The following UNC5D variants were observed in gnomAD, a reference collection of about 807,000 sequenced individuals.
The protein encoded by UNC5D is netrin receptor UNC5D.
A neutral mutation model predicts 105.4 loss-of-function variants in UNC5D; 39 were observed. That is an observed-to-expected ratio of 0.37 (90% confidence interval 0.29 to 0.48). The LOEUF is 0.48. Ranked by LOEUF, UNC5D falls within the 20% of genes least tolerant of loss-of-function variation. UNC5D has a pLI of 0.98. For synonymous variants in UNC5D, 452 were observed against 450.4 expected, an observed-to-expected ratio of 1.00 and a Z score of -0.04; for missense variants, 991 against 1,202.4, an observed-to-expected ratio of 0.82 and a Z score of 2.60.
intron 13 of UNC5D, among the ~76,000 whole-genome samples, chr8:35,752,670 T>C (rs1190603582): frequency 3.3e-5 from 5 of 152,134 alleles, no homozygotes; most frequent in South Asian, 2.1e-4. Context: ...AGAGGATTGC[T>C]CCAAGAGAAA....
At chr8:35,726,098 A>C (rs1055821045) in intron 9 of UNC5D, 54 bp from the exon 10 acceptor site, 11 of 1,559,996 alleles carry the variant, frequency 7.1e-6, no homozygotes, top group Non-Finnish European at 9.5e-6. Flanking sequence ...GAAGTACAGG[A>C]GTAACTGAGA....
intron 1 of UNC5D, among the ~76,000 whole-genome samples, chr8:35,300,537 C>G (rs1393983007): frequency 7.8e-6 from 1 of 128,186 alleles, no homozygotes; most frequent in East Asian, 2.2e-4. Context: ...TAAAATTAAC[C>G]AAGAAACCAA....
chr8:35,428,200 CAA>C (rs1806371864), intron 1 of UNC5D, among the ~76,000 whole-genome samples: 1 of 151,994 alleles, frequency 6.6e-6, no homozygotes, highest in Non-Finnish European at 1.5e-5. Flanking sequence ...CTTTTTGAGA[CAA>C]AGTCTCACTC....
chr8:35,567,598 T>G (rs1483913860), intron 2 of UNC5D, among the ~76,000 whole-genome samples: 2 of 152,208 alleles, frequency 1.3e-5, no homozygotes, highest in Non-Finnish European at 2.9e-5. Flanking sequence ...CCTTCGTCCT[T>G]CCTCAGATTT....
intron 1 of UNC5D, among the ~76,000 whole-genome samples, chr8:35,465,626 T>C (rs1357064743): frequency 6.6e-6 from 1 of 152,206 alleles, no homozygotes; most frequent in Non-Finnish European, 1.5e-5. Flanking sequence ...AATCTACTCA[T>C]CATTCTCTTA....
At chr8:35,579,678 G>A (rs1022571752) in intron 3 of UNC5D, among the ~76,000 whole-genome samples, 1 of 152,204 alleles carries the variant, frequency 6.6e-6, no homozygotes, top group Non-Finnish European at 1.5e-5. Flanking sequence ...TGTAGTGAAT[G>A]AATCTCAAGA....
intron 1 of UNC5D, among the ~76,000 whole-genome samples, chr8:35,499,263 C>G (rs1041438568): frequency 2.6e-5 from 4 of 152,186 alleles, no homozygotes; most frequent in African/African-American, 9.7e-5. Flanking sequence ...CATTTTAGAC[C>G]TAAGAGCTGG....
At chr8:35,275,396 C>T (rs1805707738) in intron 1 of UNC5D, among the ~76,000 whole-genome samples, 1 of 151,900 alleles carries the variant, frequency 6.6e-6, no homozygotes, top group African/African-American at 2.4e-5. Flanking sequence ...AAAAAAAATT[C>T]CATAAATATA....
chr8:35,568,979 A>G (rs754706888), intron 3 of UNC5D, among the ~76,000 whole-genome samples: 1 of 151,862 alleles, frequency 6.6e-6, no homozygotes, highest in Non-Finnish European at 1.5e-5. Flanking sequence ...CCTACTGTTC[A>G]ATCTCTTCTC....
chr8:35,429,342 GT>G (rs200482128), intron 1 of UNC5D, among the ~76,000 whole-genome samples: 14 of 150,490 alleles, frequency 9.3e-5, no homozygotes, highest in Admixed American at 2.7e-4. Context: ...CATGAAACCT[GT>G]TTTTTTTTCT....
At chr8:35,251,889 T>A (rs1803722916) in intron 1 of UNC5D, among the ~76,000 whole-genome samples, 1 of 152,138 alleles carries the variant, frequency 6.6e-6, no homozygotes, top group African/African-American at 2.4e-5. Flanking sequence ...CACTGTCTAC[T>A]GTTAACCAAA....
In UNC5D at chr8:35,253,548, ACT is replaced by A. The variant is rs1281478731; in HGVS notation, c.103+17662_103+17663del. On this transcript the variant is annotated intron_variant, in intron 1 of 16. Coordinates refer to ENST00000404895, the MANE Select transcript of UNC5D (RefSeq NM_080872.4). ...GTCGCCCAGGCTGGAGTGCAGTGGC[ACT>A]ATCTCAGCTCACTGCAACCTCCACC... Among the ~76,000 whole-genome samples the A allele has an allele frequency of 3.3e-3, 445 of 134,032 alleles. 3 individuals are homozygous for A. The highest frequency in any genetic ancestry group is 0.012 in the African/African-American group (432 of 35,156). 87.9% of individuals were successfully genotyped at this position (134,032 alleles called of 152,430 possible).
At chr8:35,616,036 T>C (rs1035454825) in intron 4 of UNC5D, among the ~76,000 whole-genome samples, 2 of 152,232 alleles carry the variant, frequency 1.3e-5, no homozygotes, top group Admixed American at 1.3e-4. Flanking sequence ...TATACATCCA[T>C]TGAGAAACTG....
At chr8:35,372,007 T>A (rs935885017) in intron 1 of UNC5D, among the ~76,000 whole-genome samples, 7 of 152,212 alleles carry the variant, frequency 4.6e-5, no homozygotes, top group Admixed American at 3.9e-4. Context: ...GATCTTAGCC[T>A]CTGATCTGCG....
chr8:35,257,444 G>T (rs1804163990), intron 1 of UNC5D, among the ~76,000 whole-genome samples: 1 of 152,132 alleles, frequency 6.6e-6, no homozygotes, highest in Non-Finnish European at 1.5e-5. Flanking sequence ...GCTGGCTGAT[G>T]ACTGGACTCT....
At chr8:35,690,325 C>T (rs1010812090) in intron 7 of UNC5D, among the ~76,000 whole-genome samples, 4 of 152,030 alleles carry the variant, frequency 2.6e-5, no homozygotes, top group African/African-American at 9.7e-5. Context: ...AAGTGACTAC[C>T]TATATCAACA....
chr8:35,679,460 G>A (rs1825506201), intron 4 of UNC5D, among the ~76,000 whole-genome samples: 1 of 152,110 alleles, frequency 6.6e-6, no homozygotes, highest in South Asian at 2.1e-4. Context: ...AGGTATGAAG[G>A]CTCTGAGGTT....
At chr8:35,242,941 T>C (rs746452588) in intron 1 of UNC5D, among the ~76,000 whole-genome samples, 62 of 152,174 alleles carry the variant, frequency 4.1e-4, no homozygotes, top group Non-Finnish European at 8.2e-4. Flanking sequence ...ATAAACCTAC[T>C]GGGAGAGAAG....
chr8:35,449,762 G>A (rs916852278), intron 1 of UNC5D, among the ~76,000 whole-genome samples: 1 of 152,060 alleles, frequency 6.6e-6, no homozygotes, highest in Admixed American at 6.6e-5. Flanking sequence ...CTGACCTACT[G>A]TTTGCACATG....
Sources: gnomAD v4.1 joint callset for allele counts (sites outside exome capture counted in the v4.1 genomes callset) on GRCh38, gnomAD v4.1.1 for gene constraint, MANE v1.5 for transcripts, NCBI Gene and HGNC (gene_info 2026-07-23, HGNC 2026-07-21) for gene names.